The following TMEM132D variants were observed in gnomAD, a reference collection of about 807,000 sequenced individuals.
The protein encoded by TMEM132D is transmembrane protein 132D, also known as mature OL transmembrane protein.
Under a neutral mutation model 62.3 loss-of-function variants are expected in TMEM132D, and 21 were observed. The observed-to-expected ratio is 0.34, with a 90% CI of 0.24 to 0.49. The LOEUF is 0.49. TMEM132D is among the 20% of genes least tolerant of loss of function. The pLI, the probability that TMEM132D is intolerant of heterozygous loss-of-function variation, is 0.99. For synonymous variants in TMEM132D, 621 were observed against 575.6 expected (o/e 1.08, Z -1.13); for missense variants, 1,346 against 1,402.8 (o/e 0.96, Z 0.65).
At chr12:129,759,504 T>C (rs1055016666) in intron 1 of TMEM132D, among the ~76,000 whole-genome samples, 1 of 152,202 alleles carries the variant, frequency 6.6e-6, no homozygotes, top group African/African-American at 2.4e-5. Context: ...CATGGGAAGA[T>C]AGGCAGGTTC....
intron 2 of TMEM132D, among the ~76,000 whole-genome samples, chr12:129,558,627 C>G (rs11060438): frequency 6.6e-6 from 1 of 151,936 alleles, no homozygotes; most frequent in Non-Finnish European, 1.5e-5. Context: ...CAGGACCACA[C>G]GGGAAAAGGG....
intron 1 of TMEM132D, among the ~76,000 whole-genome samples, chr12:129,701,929 C>G (rs887347744): frequency 2.0e-5 from 3 of 152,218 alleles, no homozygotes; most frequent in Admixed American, 6.5e-5. Flanking sequence ...GCTGAGAGAG[C>G]CAAGAGCTCG....
chr12:129,834,354 G>A (rs990217081), intron 1 of TMEM132D, among the ~76,000 whole-genome samples: 5 of 152,048 alleles, frequency 3.3e-5, no homozygotes, highest in African/African-American at 1.2e-4. Context: ...CATCGGGCCA[G>A]CATCAAGATA....
chr12:129,217,367 C>G (rs921357430), intron 4 of TMEM132D, among the ~76,000 whole-genome samples: 1 of 152,180 alleles, frequency 6.6e-6, no homozygotes, highest in Non-Finnish European at 1.5e-5. Flanking sequence ...CACATGGACA[C>G]AGAGAGTTGT....
chr12:129,625,395 T>C (rs1879187032), intron 2 of TMEM132D, among the ~76,000 whole-genome samples: 1 of 152,222 alleles, frequency 6.6e-6, no homozygotes, highest in Admixed American at 6.5e-5. Context: ...AAAGTATTGT[T>C]CTTTCTTCCA....
At chr12:129,185,771 C>CTGTCTGTCTGTCTGTT (rs1414395506) in intron 5 of TMEM132D, among the ~76,000 whole-genome samples, 6 of 125,710 alleles carry the variant, frequency 4.8e-5, no homozygotes, top group Non-Finnish European at 1.7e-5. Flanking sequence ...ATCTGTCTGT[C>CTGTCTGTCTGTCTGTT]TGTCTATCTA....
At chr12:129,339,509 G>T (rs976281853) in intron 3 of TMEM132D, among the ~76,000 whole-genome samples, 4 of 147,796 alleles carry the variant, frequency 2.7e-5, no homozygotes, top group Non-Finnish European at 6.0e-5. Flanking sequence ...GAAAGAAAGT[G>T]GTTTAATTCT....
chr12:129,131,046 C>T (rs1053467570), intron 5 of TMEM132D, among the ~76,000 whole-genome samples: 31 of 152,078 alleles, frequency 2.0e-4, no homozygotes, highest in Admixed American at 1.9e-3. Context: ...CTAACATCAG[C>T]GACCCAAACA....
At chr12:129,217,322 G>T (rs1163594524) in intron 4 of TMEM132D, among the ~76,000 whole-genome samples, 1 of 152,180 alleles carries the variant, frequency 6.6e-6, no homozygotes, top group Non-Finnish European at 1.5e-5. Flanking sequence ...CATACCACAT[G>T]TTCTCACTTA....
At chr12:129,304,238 C>T (rs1196103425) in intron 4 of TMEM132D, among the ~76,000 whole-genome samples, 3 of 152,250 alleles carry the variant, frequency 2.0e-5, no homozygotes, top group Non-Finnish European at 4.4e-5. Flanking sequence ...CCTGACAACT[C>T]TACACTTGCA....
intron 3 of TMEM132D, among the ~76,000 whole-genome samples, chr12:129,358,202 C>T (rs143336691): frequency 4.4e-4 from 67 of 152,286 alleles, no homozygotes; most frequent in African/African-American, 1.5e-3. Context: ...TGAGCCAAGT[C>T]GTGCTGCACA....
At chr12:129,755,947 T>C (rs924554699) in intron 1 of TMEM132D, among the ~76,000 whole-genome samples, 1 of 152,200 alleles carries the variant, frequency 6.6e-6, no homozygotes, top group African/African-American at 2.4e-5. Context: ...CCCAAAAATG[T>C]CCATAATACA....
At chr12:129,839,147 T>TTTTTTTTTTTTTG (rs1873102523) in intron 1 of TMEM132D, among the ~76,000 whole-genome samples, 1 of 131,836 alleles carries the variant, frequency 7.6e-6, no homozygotes, top group Non-Finnish European at 1.6e-5. Context: ...TTTTTTTTTT[T>TTTTTTTTTTTTTG]TTGAGATGGA....
intron 1 of TMEM132D, among the ~76,000 whole-genome samples, chr12:129,900,354 T>C (rs1355191922): frequency 2.6e-5 from 4 of 152,136 alleles, no homozygotes; most frequent in African/African-American, 7.2e-5. Context: ...AAGCTCTACA[T>C]ATGGAAGCAG....
chr12:129,862,901 A>AG (rs1873941460), intron 1 of TMEM132D, among the ~76,000 whole-genome samples: 1 of 151,774 alleles, frequency 6.6e-6, no homozygotes, highest in African/African-American at 2.4e-5. Flanking sequence ...GCTCAGCCAC[A>AG]GAACAGAAAC....
At chr12:129,665,753 G>A (rs1016366647) in intron 2 of TMEM132D, among the ~76,000 whole-genome samples, 8 of 152,040 alleles carry the variant, frequency 5.3e-5, no homozygotes, top group Non-Finnish European at 1.0e-4. Flanking sequence ...TAGAAAACAT[G>A]TATTTTATAT....
intron 1 of TMEM132D, among the ~76,000 whole-genome samples, chr12:129,735,233 T>A (rs1429557273): frequency 6.6e-6 from 1 of 152,212 alleles, no homozygotes; most frequent in Non-Finnish European, 1.5e-5. Flanking sequence ...TACTTAATGA[T>A]CTGGGAACAG....
chr12:129,104,625 A>G (rs1233925519), intron 5 of TMEM132D, among the ~76,000 whole-genome samples: 7 of 151,936 alleles, frequency 4.6e-5, no homozygotes, highest in South Asian at 2.1e-4. Flanking sequence ...ATGGGAGAAA[A>G]TTTTCACAAC....
At chr12:129,639,382 T>TAAAAAA (rs34476667) in intron 2 of TMEM132D, among the ~76,000 whole-genome samples, 1 of 90,468 alleles carries the variant, frequency 1.1e-5, no homozygotes, top group Admixed American at 1.4e-4. Flanking sequence ...GACTCTGTCT[T>TAAAAAA]AAAAAAAAAA....
Sources: allele counts gnomAD v4.1 joint callset (sites outside exome capture counted in the v4.1 genomes callset), GRCh38; gene constraint gnomAD v4.1.1; transcripts MANE v1.5; gene names NCBI Gene and HGNC (gene_info 2026-07-23, HGNC 2026-07-21).